The following SLC2A5 variants were observed in gnomAD, a reference collection of about 807,000 sequenced individuals.
SLC2A5 encodes solute carrier family 2, facilitated glucose transporter member 5.
Under a neutral mutation model 50.3 loss-of-function variants are expected in SLC2A5, and 56 were observed. The observed-to-expected ratio is 1.11, with a 90% confidence interval of 0.90 to 1.39. The LOEUF (loss-of-function observed/expected upper bound fraction) is 1.39, where lower values mean the gene tolerates loss of function less well. Ranked by LOEUF, SLC2A5 falls within the 40% of genes most tolerant of loss-of-function variation. The probability of loss-of-function intolerance (pLI) is 0.00; values close to 1 mark genes in which losing one functional copy is unlikely to be tolerated. For synonymous variants in SLC2A5, 269 were observed against 281.9 expected, an observed-to-expected ratio of 0.95 and a Z score of 0.46; for missense variants, 566 against 650.1, an observed-to-expected ratio of 0.87 and a Z score of 1.41.
chr1:9,050,589 A>G (rs1198527094), intron 3 of SLC2A5, among the ~76,000 whole-genome samples: 1 of 152,202 alleles, frequency 6.6e-6, no homozygotes, highest in Non-Finnish European at 1.5e-5. Flanking sequence ...AGACCTAAAT[A>G]TAAAATGCAA....
At chr1:9,044,477 G>A (rs1030296984) in intron 4 of SLC2A5, among the ~76,000 whole-genome samples, 2 of 152,192 alleles carry the variant, frequency 1.3e-5, no homozygotes, top group Admixed American at 6.5e-5. Flanking sequence ...CACCCCCCTT[G>A]TCAAGGTAGT....
At chr1:9,059,364 C>T (rs544827011) in intron 1 of SLC2A5, among the ~76,000 whole-genome samples, 49 of 151,194 alleles carry the variant, frequency 3.2e-4, no homozygotes, top group African/African-American at 1.0e-3. Context: ...AGGATGGTCT[C>T]AATCTCCTGA....
At chr1:9,055,026 G>T (rs946912634) in intron 3 of SLC2A5, among the ~76,000 whole-genome samples, 1 of 152,122 alleles carries the variant, frequency 6.6e-6, no homozygotes, top group African/African-American at 2.4e-5. Flanking sequence ...CATAAAAAAG[G>T]TACTATATGT....
chr1:9,048,632 GTTTA>G (rs1641495543), intron 3 of SLC2A5, among the ~76,000 whole-genome samples: 1 of 151,660 alleles, frequency 6.6e-6, no homozygotes, highest in African/African-American at 2.4e-5. Context: ...TTAAATTTTT[GTTTA>G]TTTAAAAGTT....
intron 2 of SLC2A5, among the ~76,000 whole-genome samples, chr1:9,077,398 CA>C (rs555910845): frequency 0.23 from 15,953 of 69,778 alleles, 870 homozygotes; most frequent in Middle Eastern, 0.33. Flanking sequence ...AAACCTGTCT[CA>C]AAAAAAAAAA....
At chr1:9,081,746 C>G (rs753394334) in intron 2 of SLC2A5, among the ~76,000 whole-genome samples, 1 of 152,034 alleles carries the variant, frequency 6.6e-6, no homozygotes, top group Non-Finnish European at 1.5e-5. Flanking sequence ...TATCACTTCA[C>G]ACATTAGGAT....
rs78467629 is a variant in SLC2A5 at position 9,047,344 on chromosome 1, T to C, written c.418+266A>G. 7.0e-3 allele frequency among the ~76,000 whole-genome samples: 1,071 copies of C among 152,220 alleles called. 11 individuals carry two copies. Among genetic ancestry groups the C allele is most frequent in the African/African-American group, 0.024 (1,014 of 41,522 alleles). ...GTCATGACCTGCAGTTGAGAAAATA[T>C]TGAGATAAAGGATTGGATTGGAATG... On this transcript the variant is annotated intron_variant, in intron 4 of 11. Coordinates refer to ENST00000377424, the MANE Select transcript of SLC2A5 (RefSeq NM_003039.3).
chr1:9,087,406 G>A (rs547291685), intron 1 of SLC2A5, among the ~76,000 whole-genome samples: 11 of 152,010 alleles, frequency 7.2e-5, no homozygotes, highest in East Asian at 5.8e-4. Flanking sequence ...GGGTTTCACC[G>A]TGTTAGCCAG....
chr1:9,069,755 T>C (rs1465800999), upstream of SLC2A5: 2 of 591,592 alleles, frequency 3.4e-6, no homozygotes. Flanking sequence ...GCTAAGTAAG[T>C]GGGTGCCCCC....
chr1:9,038,852 C>T lies in SLC2A5; in HGVS notation c.1074G>A (p.Val358=), dbSNP rs773725657. 3 of 1,612,046 alleles carry T rather than the reference C, an allele frequency of 1.9e-6. No individual in the cohort carries two copies. The highest frequency in any genetic ancestry group is 1.7e-5 in the Admixed American group (1 of 59,900). ...CCTGCAGTGCCAGAGCTGCAGTGAG[C>T]ACGCAGCAGGCTATGAGGCAGATGG... ...GFSICLIACC[V]LTAALALQDT... is the part of the protein sequence containing the mutation. The change falls in exon 9 of 12, where the codon GTG becomes GTA. Residue 358 remains valine, a synonymous_variant. Transcript: ENST00000377424.
chr1:9,061,167 AACT>A (rs1641932775), intron 1 of SLC2A5, among the ~76,000 whole-genome samples: 1 of 151,286 alleles, frequency 6.6e-6, no homozygotes, highest in African/African-American at 2.4e-5. Flanking sequence ...CTGTAATCCC[AACT>A]ACTCAGGAGG....
intron 2 of SLC2A5, 149 bp downstream of exon 2, chr1:9,058,003 C>A: frequency 3.2e-6 from 2 of 633,382 alleles, no homozygotes. Context: ...TCTGCGAGTT[C>A]CCTCGGGTCT....
At chr1:9,087,869 G>T (rs1156545652) in intron 1 of SLC2A5, among the ~76,000 whole-genome samples, 1 of 151,928 alleles carries the variant, frequency 6.6e-6, no homozygotes, top group Non-Finnish European at 1.5e-5. Flanking sequence ...TTCCTCGTGT[G>T]CCTCCAGTCC....
chr1:9,060,064 TACACACACTACAC>T (rs1290525137), intron 1 of SLC2A5, among the ~76,000 whole-genome samples: 11 of 82,604 alleles, frequency 1.3e-4, no homozygotes, highest in Admixed American at 5.7e-4. Context: ...ACACACACAA[TACACACACTACAC>T]ACACACACTA....
At chr1:9,087,537 C>T (rs1326778118) in intron 1 of SLC2A5, among the ~76,000 whole-genome samples, 1 of 152,022 alleles carries the variant, frequency 6.6e-6, no homozygotes. Context: ...ACATTTGGTG[C>T]CAAAACCCGG....
chr1:9,039,799 C>T lies in SLC2A5; in HGVS notation c.885+1G>A. On this transcript the variant is annotated splice_donor_variant, in intron 7 of 11. Coordinates refer to ENST00000377424, the MANE Select transcript of SLC2A5 (RefSeq NM_003039.3). LOFTEE classifies it high-confidence loss of function. ...CTCCCGAGCCGCAGCCCGGCCCATACAGCGTTGACGCCCGACAGCTGCTGG... is the reference window on the plus strand; with the variant it reads ...CTCCCGAGCCGCAGCCCGGCCCATATAGCGTTGACGCCCGACAGCTGCTGG... 1 of 1,573,332 alleles carries T rather than the reference C, an allele frequency of 6.4e-7. No individual in the cohort carries two copies. Among genetic ancestry groups the T allele is most frequent in the Non-Finnish European group, 8.6e-7 (1 of 1,160,996 alleles).
intron 2 of SLC2A5, among the ~76,000 whole-genome samples, chr1:9,076,100 C>T (rs111616764): frequency 0.014 from 2,171 of 152,114 alleles, 47 homozygotes; most frequent in South Asian, 0.062. Context: ...GAATTACAGA[C>T]GCACGCCACT....
chr1:9,048,356 A>G (rs2124355738), intron 3 of SLC2A5, among the ~76,000 whole-genome samples: 1 of 152,152 alleles, frequency 6.6e-6, no homozygotes, highest in East Asian at 1.9e-4. Flanking sequence ...TAAAAATACA[A>G]AAACTAGCAG....
Position 9,037,619 on chromosome 1 carries a change from C to T in SLC2A5, c.1473G>A (p.Leu491=), listed in dbSNP as rs1490619527. 3 of 1,614,120 alleles carry T rather than the reference C, an allele frequency of 1.9e-6. No homozygotes were observed. The highest frequency in any genetic ancestry group is 2.7e-5 in the African/African-American group (2 of 75,076). The change falls in exon 12 of 12, where the codon CTG becomes CTA. Residue 491 remains leucine, a synonymous_variant. Transcript: ENST00000377424. Reference sequence around the variant, plus strand: ...CCGAAGTGACAGGTGGAAGCTCTTTCAGTTCCTCCTTTTCCGGGTACACTT... The same window carrying T: ...CCGAAGTGACAGGTGGAAGCTCTTTTAGTTCCTCCTTTTCCGGGTACACTT... The part of the protein sequence containing the change: ...VSEVYPEKEE[L]KELPPVTSEQ
Sources: allele counts gnomAD v4.1 joint callset (sites outside exome capture counted in the v4.1 genomes callset), GRCh38; gene constraint gnomAD v4.1.1; transcripts MANE v1.5; gene names NCBI Gene and HGNC (gene_info 2026-07-23, HGNC 2026-07-21).